The following DRC9 variants were observed in gnomAD, a reference collection of about 807,000 sequenced individuals.
DRC9 encodes the protein dynein regulatory complex subunit 9, also known as dynein regulatory complex protein 9.
At chr3:197,941,260 C>T in the DRC9 span, among the ~76,000 whole-genome samples, 31 of 135,336 alleles carry the variant, frequency 2.3e-4, no homozygotes, top group African/African-American at 8.3e-4. Context: ...CCTTCCCCCT[C>T]CCTCCCTTCC....
At chr3:197,892,805 C>T in the DRC9 span, 33 of 1,609,452 alleles carry the variant, frequency 2.1e-5, no homozygotes, top group South Asian at 3.0e-4. Flanking sequence ...AGACACAAAA[C>T]GCTGTATACT....
chr3:197,894,214 T>C, the DRC9 span, among the ~76,000 whole-genome samples: 1 of 152,206 alleles, frequency 6.6e-6, no homozygotes, highest in South Asian at 2.1e-4. Flanking sequence ...TAGCCAATAA[T>C]ACAGTATTAC....
the DRC9 span, among the ~76,000 whole-genome samples, chr3:197,919,274 A>G: frequency 0.24 from 36,915 of 152,124 alleles, 5,559 homozygotes; most frequent in African/African-American, 0.43. Context: ...AAACACAGAG[A>G]AAGATATAAA....
the DRC9 span, among the ~76,000 whole-genome samples, chr3:197,898,746 T>G: frequency 6.6e-6 from 1 of 152,154 alleles, no homozygotes; most frequent in African/African-American, 2.4e-5. Flanking sequence ...GAGAACAGCA[T>G]GAGGGAAACC....
the DRC9 span, chr3:197,906,508 T>C: frequency 6.6e-6 from 1 of 152,132 alleles, no homozygotes; most frequent in African/African-American, 2.4e-5. Flanking sequence ...AAAAAACTTT[T>C]AGTAAGGTAT....
At chr3:197,938,902 T>C in the DRC9 span, 6 of 740,268 alleles carry the variant, frequency 8.1e-6, no homozygotes, top group South Asian at 1.8e-5. Flanking sequence ...TCCAAGAAAA[T>C]GTGCCCCTTT....
chr3:197,917,950 G>A, the DRC9 span, among the ~76,000 whole-genome samples: 2 of 151,884 alleles, frequency 1.3e-5, no homozygotes, highest in Non-Finnish European at 2.9e-5. Flanking sequence ...GGCCAGGCTG[G>A]TCTCCAGCTC....
At chr3:197,909,266 C>A in the DRC9 span, among the ~76,000 whole-genome samples, 1 of 152,226 alleles carries the variant, frequency 6.6e-6, no homozygotes, top group Admixed American at 6.5e-5. Flanking sequence ...CTACTACAAC[C>A]AACAAGTACA....
chr3:197,954,424 C>T, the DRC9 span: 2 of 468,996 alleles, frequency 4.3e-6, no homozygotes, highest in African/African-American at 3.9e-5. Flanking sequence ...GCCTCGACCT[C>T]CTGGGTTCAA....
the DRC9 span, among the ~76,000 whole-genome samples, chr3:197,915,163 C>CAAAAAA: frequency 4.9e-4 from 35 of 70,932 alleles, no homozygotes; most frequent in Non-Finnish European, 6.9e-4. Flanking sequence ...GATTCTGTCT[C>CAAAAAA]AAAAAAAAAA....
the DRC9 span, chr3:197,960,151 G>A: frequency 3.7e-6 from 5 of 1,353,102 alleles, no homozygotes; most frequent in African/African-American, 4.4e-5. Flanking sequence ...CCTTTCCGCC[G>A]GCTGGGCCCT....
At chr3:197,929,761 A>C in the DRC9 span, among the ~76,000 whole-genome samples, 10 of 152,170 alleles carry the variant, frequency 6.6e-5, no homozygotes, top group African/African-American at 2.4e-4. The surrounding 1 kb of genome is among the most constrained non-coding windows in gnomAD (Gnocchi z 4.6). Flanking sequence ...ACAGAGTAAC[A>C]TTTGCTCTAA....
chr3:197,934,182 TC>T, the DRC9 span, among the ~76,000 whole-genome samples: 17 of 131,702 alleles, frequency 1.3e-4, no homozygotes, highest in Admixed American at 1.5e-4. Flanking sequence ...TCATTCTGGG[TC>T]TTTTTTTTTT....
chr3:197,954,205 T>C, the DRC9 span: 2 of 1,591,730 alleles, frequency 1.3e-6, no homozygotes, highest in Non-Finnish European at 1.7e-6. Flanking sequence ...TTCAAGGTGT[T>C]GTGCTTTGAC....
the DRC9 span, chr3:197,951,192 G>T: frequency 6.2e-7 from 1 of 1,614,168 alleles, no homozygotes; most frequent in East Asian, 2.2e-5. Context: ...CTGGCTATAA[G>T]CGGGGTCTCC....
the DRC9 span, among the ~76,000 whole-genome samples, chr3:197,952,162 G>GT: frequency 0.11 from 9,000 of 83,952 alleles, 2,293 homozygotes; most frequent in East Asian, 0.19. Context: ...AAAATTATGG[G>GT]TTTTTTTTTT....
At chr3:197,922,392 G>A in the DRC9 span, among the ~76,000 whole-genome samples, 5 of 152,172 alleles carry the variant, frequency 3.3e-5, no homozygotes, top group Admixed American at 1.3e-4. Context: ...TGCTTTGGAG[G>A]GCTTAAAAGG....
the DRC9 span, chr3:197,950,403 C>T: frequency 9.3e-7 from 1 of 1,077,132 alleles, no homozygotes; most frequent in South Asian, 4.5e-5. Flanking sequence ...TCCCCTGACA[C>T]CCGGAGAACG....
At chr3:197,892,958 G>A in the DRC9 span, among the ~76,000 whole-genome samples, 3 of 152,286 alleles carry the variant, frequency 2.0e-5, no homozygotes, top group South Asian at 2.1e-4. Context: ...TGCTGTAAAT[G>A]TTCTCTGTAT....
Sources: gnomAD v4.1 joint callset for allele counts (sites outside exome capture counted in the v4.1 genomes callset) on GRCh38, gnomAD v4.1.1 for gene constraint, Gnocchi (gnomAD v3.1) non-coding constraint, MANE v1.5 for transcripts, NCBI Gene and HGNC (gene_info 2026-07-23, HGNC 2026-07-21) for gene names.